Variants in TIAM2 observed in about 807,000 individuals in gnomAD.
TIAM2 encodes TIAM Rac1 associated GEF 2, also known as rho guanine nucleotide exchange factor TIAM2.
In TIAM2, 80 loss-of-function variants were observed where a neutral mutation model predicts 152.9. The observed-to-expected ratio is 0.52, with a 90% CI of 0.44 to 0.63. The LOEUF is 0.63. TIAM2 is among the 30% of genes least tolerant of loss of function. The pLI, the probability that TIAM2 is intolerant of heterozygous loss-of-function variation, is 0.00. For synonymous variants in TIAM2, 804 were observed against 838.0 expected (o/e 0.96, Z 0.70); for missense variants, 1,965 against 2,120.1 (o/e 0.93, Z 1.44).
At chr6:155,163,523 A>G (rs879761474) in intron 7 of TIAM2, among the ~76,000 whole-genome samples, 2 of 152,198 alleles carry the variant, frequency 1.3e-5, no homozygotes, top group African/African-American at 4.8e-5. Context: ...TCTGTGGTGT[A>G]AACAGCTGCA....
rs767730116 is a variant in TIAM2, at chr6:155,256,589, G to A, written c.4574G>A (p.Ser1525Asn). 7 of 1,614,092 alleles carry A rather than the reference G, an allele frequency of 4.3e-6. No homozygotes were observed. The highest frequency in any genetic ancestry group is 3.3e-5 in the Admixed American group (2 of 60,032). The stretch of plus-strand genomic sequence containing the variant: ...GACTCTGACGAGGGCAGCTTGAGCA[G>A]CGGCACCCAGAGCAGCGGCTGCCCC... ...LLDSDEGSLSSGTQSSGCPTA... is the reference protein window; with the variant it reads ...LLDSDEGSLSNGTQSSGCPTA... Residue 1525 changes from serine (S) to asparagine (N), a missense_variant, in exon 27 of 27, where the codon AGC becomes AAC. Physicochemically the swap from Ser to Asn is conservative, Grantham distance 46. Around this residue, in one of 3 missense-constraint regions of TIAM2, gnomAD observed 935 missense variants for 980.0 expected, o/e 0.95. Coordinates refer to ENST00000682666, the MANE Select transcript of TIAM2 (RefSeq NM_012454.4).
rs1784045531 is a variant in TIAM2, at chr6:155,256,575, G to A, written c.4560G>A (p.Glu1520=). The A allele has an allele frequency of 6.2e-7, 1 of 1,614,184 alleles. No homozygotes were observed. The highest frequency in any genetic ancestry group is 1.3e-5 in the African/African-American group (1 of 75,052). The change falls in exon 27 of 27, where the codon GAG becomes GAA. Residue 1520 remains glutamate (E), a synonymous_variant. Coordinates refer to ENST00000682666, the MANE Select transcript of TIAM2 (RefSeq NM_012454.4). ...AGGGAACCTTGCTGGACTCTGACGAGGGCAGCTTGAGCAGCGGCACCCAGA... is the reference window on the plus strand; with the variant it reads ...AGGGAACCTTGCTGGACTCTGACGAAGGCAGCTTGAGCAGCGGCACCCAGA... ...TGKGTLLDSD[E]GSLSSGTQSS...
chr6:155,232,931 C>T (rs1782552711), intron 15 of TIAM2: 2 of 152,178 alleles, frequency 1.3e-5, no homozygotes, highest in African/African-American at 4.8e-5. Flanking sequence ...CCACATTACC[C>T]CAAATTACGC....
chr6:155,071,661 T>C (rs1777840401), intron 1 of TIAM2, among the ~76,000 whole-genome samples: 1 of 152,070 alleles, frequency 6.6e-6, no homozygotes, highest in African/African-American at 2.4e-5. Context: ...TCCGAGCACT[T>C]TCAGAGGCCG....
intron 1 of TIAM2, among the ~76,000 whole-genome samples, chr6:155,004,273 G>A (rs1778362837): frequency 1.3e-5 from 2 of 152,194 alleles, no homozygotes; most frequent in African/African-American, 4.8e-5. Context: ...CTCCTGGTCT[G>A]TAGTCTTTCC....
chr6:155,082,187 T>TA (rs1178060297), intron 1 of TIAM2, among the ~76,000 whole-genome samples: 2 of 151,566 alleles, frequency 1.3e-5, no homozygotes, highest in Non-Finnish European at 2.9e-5. Context: ...CTACACAAAA[T>TA]AAAAAAATAG....
At chr6:155,000,348 A>G (rs1421225199) in intron 1 of TIAM2, among the ~76,000 whole-genome samples, 1 of 152,040 alleles carries the variant, frequency 6.6e-6, no homozygotes, top group Non-Finnish European at 1.5e-5. Context: ...GCTGACCAAC[A>G]TGGAGAAACC....
intron 14 of TIAM2, among the ~76,000 whole-genome samples, chr6:155,193,121 CA>C (rs1781250192): frequency 6.6e-6 from 1 of 152,170 alleles, no homozygotes. Context: ...AAATTACTTT[CA>C]GGCCAGTCAC....
intron 2 of TIAM2, among the ~76,000 whole-genome samples, chr6:155,098,800 T>C (rs1161299383): frequency 1.3e-5 from 2 of 152,250 alleles, no homozygotes; most frequent in Admixed American, 6.5e-5. Context: ...CATTTTTATG[T>C]CACAATATTT....
chr6:155,224,501 A>G (rs996582855), intron 15 of TIAM2, among the ~76,000 whole-genome samples: 1 of 152,178 alleles, frequency 6.6e-6, no homozygotes, highest in Non-Finnish European at 1.5e-5. Context: ...CGTTTTGTAA[A>G]TCCGTCTCCT....
intron 2 of TIAM2, among the ~76,000 whole-genome samples, chr6:155,105,059 T>C (rs1490715832): frequency 6.6e-6 from 1 of 151,854 alleles, no homozygotes; most frequent in East Asian, 1.9e-4. Context: ...CCAGGCTCAA[T>C]AGATCCTCCC....
intron 1 of TIAM2, among the ~76,000 whole-genome samples, chr6:155,086,388 T>G (rs1158788174): frequency 6.6e-6 from 1 of 152,194 alleles, no homozygotes; most frequent in African/African-American, 2.4e-5. Context: ...TCTATAATCC[T>G]GCTTAAAATC....
intron 20 of TIAM2, among the ~76,000 whole-genome samples, chr6:155,249,401 C>T (rs1783521788): frequency 6.6e-6 from 1 of 152,184 alleles, no homozygotes; most frequent in Admixed American, 6.5e-5. Context: ...CCCAGTCAGG[C>T]TTGGGTTTGA....
At position 154,995,854 on chromosome 6, in the gene TIAM2, C is replaced by T. The variant is rs1019217277; in HGVS notation, c.-209+362C>T. On this transcript the variant is annotated intron_variant, in intron 1 of 26. Coordinates refer to ENST00000682666, the MANE Select transcript of TIAM2 (RefSeq NM_012454.4). This position sits in a 1 kb window ranked among gnomAD's most constrained non-coding sequence, Gnocchi z 5.2. Reference sequence around the variant, plus strand: ...TGGGAGGAGGCGGCGCCCCGGCCTCCTGATACCGAGGTTCTCGCCCAAAGC... The same window carrying T: ...TGGGAGGAGGCGGCGCCCCGGCCTCTTGATACCGAGGTTCTCGCCCAAAGC... Among the ~76,000 whole-genome samples, 3 of 152,198 alleles carry T rather than the reference C, an allele frequency of 2.0e-5. No homozygotes were observed. Among genetic ancestry groups the T allele is most frequent in the Non-Finnish European group, 4.4e-5 (3 of 68,032 alleles).
In TIAM2 at chr6:155,182,433, T is replaced by G. The variant is rs1384362468; in HGVS notation, c.2800+115T>G. ...TCAGAAAAAGGTTGCTCCTGGAATTTTAAAGAAAGTAAACGTAAGAGTTTA... is the reference window on the plus strand; with the variant it reads ...TCAGAAAAAGGTTGCTCCTGGAATTGTAAAGAAAGTAAACGTAAGAGTTTA... On this transcript the variant is annotated intron_variant, in intron 13 of 26. Coordinates refer to ENST00000682666, the MANE Select transcript of TIAM2 (RefSeq NM_012454.4). 1.1e-5 allele frequency: 10 copies of G among 915,850 alleles called. No homozygotes were observed. In the South Asian group the frequency reaches 1.4e-4, roughly 13 times the overall value. The allele number at this position is 915,850 out of a possible 1,614,324, so 56.7% of individuals were successfully genotyped here. A position where few individuals can be genotyped will look rare whatever the true frequency, so the allele number is the denominator to read the frequency against.
At chr6:155,226,121 T>A (rs1782232132) in intron 15 of TIAM2, among the ~76,000 whole-genome samples, 1 of 152,224 alleles carries the variant, frequency 6.6e-6, no homozygotes, top group African/African-American at 2.4e-5. Flanking sequence ...ATGAAGAGGA[T>A]GTGATTTCAG....
intron 2 of TIAM2, among the ~76,000 whole-genome samples, chr6:155,107,962 G>T (rs943956685): frequency 6.6e-6 from 1 of 152,174 alleles, no homozygotes. Context: ...CAGAAAATTG[G>T]TAGGTGGAGA....
intron 1 of TIAM2, among the ~76,000 whole-genome samples, chr6:155,064,863 T>A (rs777038177): frequency 7.3e-6 from 1 of 136,094 alleles, no homozygotes; most frequent in Non-Finnish European, 1.6e-5. Context: ...ACTCCTTTTG[T>A]CCACCCTTTT....
intron 10 of TIAM2, among the ~76,000 whole-genome samples, chr6:155,178,477 A>T (rs929523737): frequency 2.0e-5 from 3 of 152,202 alleles, no homozygotes; most frequent in Non-Finnish European, 2.9e-5. Context: ...ATCTCTTAAA[A>T]ATGCATCTCT....
Sources: allele counts gnomAD v4.1 joint callset (sites outside exome capture counted in the v4.1 genomes callset), GRCh38; gene constraint gnomAD v4.1.1; regional missense constraint gnomAD v4.1.1; non-coding constraint Gnocchi (gnomAD v3.1); transcripts MANE v1.5; gene names NCBI Gene and HGNC (gene_info 2026-07-23, HGNC 2026-07-21).